The following KAT2B variants were observed in gnomAD, a reference collection of about 807,000 sequenced individuals.
KAT2B encodes histone acetyltransferase KAT2B.
Under a neutral mutation model 105.9 loss-of-function variants are expected in KAT2B, and 36 were observed. The observed-to-expected ratio is 0.34, with a 90% CI of 0.26 to 0.45. The LOEUF is 0.45. KAT2B is among the 20% of genes least tolerant of loss of function. The probability of loss-of-function intolerance (pLI) is 1.00; values close to 1 mark genes in which losing one functional copy is unlikely to be tolerated. For missense variants in KAT2B, 820 were observed against 1,021.6 expected, an observed-to-expected ratio of 0.80 and a Z score of 2.69; for synonymous variants, 397 against 377.9, an observed-to-expected ratio of 1.05 and a Z score of -0.59.
At chr3:20,043,728 TAAA>T (rs5847040) in intron 1 of KAT2B, among the ~76,000 whole-genome samples, 2 of 127,406 alleles carry the variant, frequency 1.6e-5, no homozygotes, top group African/African-American at 2.7e-5. Flanking sequence ...TTGCTTTTTT[TAAA>T]AAAAAAAAAA....
At chr3:20,127,736 C>T (rs1045827920) in intron 11 of KAT2B, among the ~76,000 whole-genome samples, 187 bp downstream of exon 11, 2 of 152,164 alleles carry the variant, frequency 1.3e-5, no homozygotes, top group African/African-American at 2.4e-5. Flanking sequence ...ACTGGTTTCA[C>T]GGAAGACAAT....
In KAT2B at chr3:20,072,287, G is replaced by T. The variant is rs41285055; in HGVS notation, c.304-46G>T. The stretch of plus-strand genomic sequence containing the variant: ...TTCTCATGTAAAACCATCAGTCCAC[G>T]GCTGCCTGTTAAATAATTTTGTCTC... On this transcript the variant is annotated intron_variant, in intron 1 of 17. Transcript: ENST00000263754. 11,451 of 1,597,582 alleles carry T rather than the reference G, an allele frequency of 7.2e-3. 61 individuals carry two copies. Among genetic ancestry groups the T allele is most frequent in the Non-Finnish European group, 8.9e-3 (10,401 of 1,165,316 alleles).
intron 5 of KAT2B, among the ~76,000 whole-genome samples, chr3:20,108,106 G>A (rs984808934): frequency 1.3e-5 from 2 of 151,846 alleles, no homozygotes; most frequent in Admixed American, 6.6e-5. Flanking sequence ...CACTGCACCC[G>A]GCCAAATCCA....
intron 2 of KAT2B, among the ~76,000 whole-genome samples, chr3:20,082,626 A>G (rs1298153405): frequency 6.6e-6 from 1 of 152,216 alleles, no homozygotes; most frequent in Non-Finnish European, 1.5e-5. Context: ...TTTAAAAACA[A>G]ACTCTTTAAA....
chr3:20,125,595 G>A (rs913457945), intron 9 of KAT2B, among the ~76,000 whole-genome samples: 27 of 152,176 alleles, frequency 1.8e-4, no homozygotes, highest in African/African-American at 6.5e-4. Context: ...GGCTCACAAC[G>A]TCTAAAATAT....
chr3:20,137,975 C>T (rs1699631442), intron 12 of KAT2B, among the ~76,000 whole-genome samples: 1 of 152,204 alleles, frequency 6.6e-6, no homozygotes, highest in Admixed American at 6.5e-5. Context: ...ACTTGTCTCT[C>T]TTTAAATAAG....
intron 1 of KAT2B, among the ~76,000 whole-genome samples, chr3:20,045,441 C>T (rs530675357): frequency 1.5e-4 from 23 of 152,020 alleles, no homozygotes; most frequent in African/African-American, 5.1e-4. Flanking sequence ...GCCTTGAACT[C>T]CTTGACTCAG....
intron 1 of KAT2B, among the ~76,000 whole-genome samples, chr3:20,068,579 C>G (rs2929392): frequency 0.5 from 75,334 of 151,690 alleles, 19,847 homozygotes; most frequent in East Asian, 0.74. Context: ...CCAGTATATT[C>G]TATAATTTAC....
At chr3:20,101,178 GA>G in intron 4 of KAT2B, 108 bp from the exon 5 acceptor site, 1 of 827,238 alleles carries the variant, frequency 1.2e-6, no homozygotes, top group Non-Finnish European at 1.9e-6. Flanking sequence ...TGTGAATAGA[GA>G]AATGTCTGTT....
At chr3:20,143,217 T>TG (rs1241250941) in intron 13 of KAT2B, among the ~76,000 whole-genome samples, 1 of 152,200 alleles carries the variant, frequency 6.6e-6, no homozygotes, top group Non-Finnish European at 1.5e-5. Flanking sequence ...TGGAAGGCAT[T>TG]GATTTTATCG....
chr3:20,098,977 G>A (rs773890763), intron 3 of KAT2B, among the ~76,000 whole-genome samples: 15 of 152,180 alleles, frequency 9.9e-5, no homozygotes, highest in Admixed American at 6.5e-4. Context: ...GGCAGTAAGC[G>A]AGAAAGGAGG....
intron 1 of KAT2B, among the ~76,000 whole-genome samples, chr3:20,050,856 A>G (rs991474942): frequency 2.6e-5 from 4 of 152,112 alleles, no homozygotes; most frequent in African/African-American, 7.2e-5. Flanking sequence ...AAGGATGGGA[A>G]TTTGATAGTC....
Position 20,101,278 on chromosome 3 carries a change from C to T in KAT2B, c.670-9C>T. On this transcript the variant is annotated splice_polypyrimidine_tract_variant and intron_variant, in intron 4 of 17. Transcript: ENST00000263754. ...GCTGCATGAAGAAATTGCCTTCCCT[C>T]TTTTTAAGGGTGTGAATAACTTTGT... The T allele has an allele frequency of 6.2e-7, 1 of 1,612,262 alleles. No individual in the cohort carries two copies. The highest frequency in any genetic ancestry group is 8.5e-7 in the Non-Finnish European group (1 of 1,178,644).
At chr3:20,127,653 T>A (rs1252763456) in intron 11 of KAT2B, 104 bp downstream of exon 11, 6 of 1,156,436 alleles carry the variant, frequency 5.2e-6, no homozygotes, top group Admixed American at 2.3e-5. Context: ...CAGAGAAGGT[T>A]CAAAGTGGAG....
At chr3:20,150,584 T>C (rs1699854091) in intron 17 of KAT2B, among the ~76,000 whole-genome samples, 1 of 152,222 alleles carries the variant, frequency 6.6e-6, no homozygotes, top group East Asian at 1.9e-4. Context: ...ATGGTGTCTC[T>C]ATATTTGGTA....
intron 11 of KAT2B, among the ~76,000 whole-genome samples, chr3:20,133,296 T>G (rs1699543567): frequency 6.6e-6 from 1 of 152,210 alleles, no homozygotes; most frequent in Non-Finnish European, 1.5e-5. Flanking sequence ...GGAAAAAAAC[T>G]TTACATTGTC....
chr3:20,090,235 G>T (rs187464788), intron 2 of KAT2B, among the ~76,000 whole-genome samples: 1 of 152,026 alleles, frequency 6.6e-6, no homozygotes, highest in African/African-American at 2.4e-5. Flanking sequence ...CCAATACTAC[G>T]TTGAAAAGAA....
chr3:20,095,440 CT>C, intron 3 of KAT2B, 32 bp downstream of exon 3: 1 of 1,479,976 alleles, frequency 6.8e-7, no homozygotes, highest in Non-Finnish European at 9.3e-7. Context: ...AACATTTTCT[CT>C]CATTATTCAA....
In KAT2B at chr3:20,125,902, C is replaced by A; in HGVS notation, c.1414-3C>A. On this transcript the variant is annotated splice_polypyrimidine_tract_variant and splice_region_variant and intron_variant, in intron 9 of 17. Transcript: ENST00000263754. ...TAATTTTTTCCTGTCTCTTGCATCT[C>A]AGACCAATTTTCTGTCAGCACACTC... is the stretch of plus-strand genomic sequence containing the variant. 6.2e-7 allele frequency: 1 copy of A among 1,613,148 alleles called. No individual in the cohort carries two copies.
Sources: gnomAD v4.1 joint callset for allele counts (sites outside exome capture counted in the v4.1 genomes callset) on GRCh38, gnomAD v4.1.1 for gene constraint, MANE v1.5 for transcripts, NCBI Gene and HGNC (gene_info 2026-07-23, HGNC 2026-07-21) for gene names.